MFHAS1: variants seen among roughly 807,000 people sequenced by gnomAD.
The protein encoded by MFHAS1 is malignant fibrous histiocytoma-amplified sequence 1.
Under a neutral mutation model 70.4 loss-of-function variants are expected in MFHAS1, and 50 were observed. The ratio of observed to expected loss-of-function variants is 0.71; its 90% CI spans 0.57 to 0.90. The LOEUF is 0.90. Among genes scored for constraint, MFHAS1 ranks in the 40% least tolerant of loss-of-function variants. The pLI, the probability that MFHAS1 is intolerant of heterozygous loss-of-function variation, is 0.00. For missense variants in MFHAS1, 1,795 were observed against 1,347.6 expected (o/e 1.33, Z -5.20); for synonymous variants, 952 against 620.0 (o/e 1.54, Z -7.96).
intron 1 of MFHAS1, among the ~76,000 whole-genome samples, chr8:8,889,709 A>G (rs1489228579): frequency 6.6e-6 from 1 of 152,232 alleles, no homozygotes; most frequent in Non-Finnish European, 1.5e-5. Context: ...ACGATCAGTA[A>G]GAGGCTAACA....
At chr8:8,826,637 G>A (rs1201417172) in intron 1 of MFHAS1, among the ~76,000 whole-genome samples, 1 of 152,198 alleles carries the variant, frequency 6.6e-6, no homozygotes, top group African/African-American at 2.4e-5. Context: ...GGAGGCTGAG[G>A]CAGGACAATC....
rs143510651 is a variant in MFHAS1, at chr8:8,891,139, G to C, written c.1920C>G (p.Asp640Glu). 1.1e-5 allele frequency: 18 copies of C among 1,613,666 alleles called. No individual in the cohort carries two copies. Among genetic ancestry groups the C allele is most frequent in the Non-Finnish European group, 1.4e-5 (17 of 1,180,046 alleles). Residue 640 changes from aspartate (D) to glutamate (E), a missense_variant, in exon 1 of 3, where the codon GAC (aspartate) becomes GAG (glutamate). Coordinates refer to ENST00000276282, the MANE Select transcript of MFHAS1 (RefSeq NM_004225.3). The surrounding 1 kb of genome is among the most constrained non-coding windows in gnomAD (Gnocchi z 5.4). ...GGTGCTCAGCAACTGACAGCAACTT[G>C]TCCCGAAGGCGTCGTAAGTGGCGCG... ...RDPRHLRRLR[D>E]KLLSVAEHRE...
At chr8:8,858,668 C>T (rs1359654959) in intron 1 of MFHAS1, among the ~76,000 whole-genome samples, 1 of 151,950 alleles carries the variant, frequency 6.6e-6, no homozygotes, top group African/African-American at 2.4e-5. Context: ...GTTCTAGGGC[C>T]CCCATCCCCA....
intron 1 of MFHAS1, among the ~76,000 whole-genome samples, chr8:8,862,123 G>A (rs1051266067): frequency 5.9e-5 from 9 of 152,190 alleles, no homozygotes; most frequent in African/African-American, 2.2e-4. Context: ...TTCCCCAAAT[G>A]CTGTATCATT....
At chr8:8,795,762 T>C (rs1167956590) in intron 2 of MFHAS1, among the ~76,000 whole-genome samples, 1 of 152,208 alleles carries the variant, frequency 6.6e-6, no homozygotes, top group East Asian at 1.9e-4. Context: ...TGGATGCCTG[T>C]CACACTGCCT....
intron 1 of MFHAS1, among the ~76,000 whole-genome samples, chr8:8,875,834 G>A (rs978552528): frequency 3.9e-5 from 6 of 152,240 alleles, no homozygotes; most frequent in South Asian, 4.1e-4. Context: ...TGATCCGCCC[G>A]CCTCGGCCTC....
chr8:8,850,885 T>C (rs1386248016), intron 1 of MFHAS1, among the ~76,000 whole-genome samples: 1 of 150,822 alleles, frequency 6.6e-6, no homozygotes, highest in Non-Finnish European at 1.5e-5. Context: ...CCAATTCATC[T>C]AACCCTTCAA....
At chr8:8,887,430 A>T (rs1809803086) in intron 1 of MFHAS1, among the ~76,000 whole-genome samples, 1 of 152,120 alleles carries the variant, frequency 6.6e-6, no homozygotes, top group South Asian at 2.1e-4. Flanking sequence ...CGAGAAATGT[A>T]CTATAATCAT....
At chr8:8,866,485 ATT>A (rs1720286822) in intron 1 of MFHAS1, among the ~76,000 whole-genome samples, 1 of 151,602 alleles carries the variant, frequency 6.6e-6, no homozygotes, top group Non-Finnish European at 1.5e-5. Context: ...CGCCCAGCTA[ATT>A]TTTTATTTTT....
chr8:8,861,187 T>C (rs962092460), intron 1 of MFHAS1, among the ~76,000 whole-genome samples: 6 of 152,172 alleles, frequency 3.9e-5, no homozygotes, highest in African/African-American at 9.7e-5. Flanking sequence ...AAATAAAACA[T>C]GTAATGTAAA....
intron 2 of MFHAS1, among the ~76,000 whole-genome samples, chr8:8,796,933 T>G (rs1402201233): frequency 6.6e-6 from 1 of 151,610 alleles, no homozygotes; most frequent in Non-Finnish European, 1.5e-5. Flanking sequence ...GAGGCGGAGC[T>G]TGCAGTGAGC....
At chr8:8,888,881 T>C (rs1157634580) in intron 1 of MFHAS1, among the ~76,000 whole-genome samples, 1 of 152,104 alleles carries the variant, frequency 6.6e-6, no homozygotes, top group African/African-American at 2.4e-5. Context: ...TGCAGGTTTA[T>C]CAACTGAAAC....
intron 2 of MFHAS1, among the ~76,000 whole-genome samples, chr8:8,791,848 C>T (rs1331213543): frequency 6.6e-6 from 1 of 152,180 alleles, no homozygotes; most frequent in Non-Finnish European, 1.5e-5. Flanking sequence ...TCCTCTCCAC[C>T]ATCCAGGAAA....
chr8:8,819,733 G>A (rs73184212), intron 1 of MFHAS1, among the ~76,000 whole-genome samples: 177 of 152,066 alleles, frequency 1.2e-3, no homozygotes, highest in Non-Finnish European at 2.2e-3. Context: ...TGTACCTTTT[G>A]AGTCACCCAG....
At chr8:8,832,438 C>CAG (rs1807435696) in intron 1 of MFHAS1, among the ~76,000 whole-genome samples, 1 of 151,064 alleles carries the variant, frequency 6.6e-6, no homozygotes, top group Non-Finnish European at 1.5e-5. Flanking sequence ...CACACACACA[C>CAG]ACACACACAC....
chr8:8,890,264 G>A lies in MFHAS1; in HGVS notation c.2795C>T (p.Ala932Val). The A allele has an allele frequency of 6.2e-7, 1 of 1,614,162 alleles. No homozygotes were observed. Among genetic ancestry groups the A allele is most frequent in the Non-Finnish European group, 8.5e-7 (1 of 1,180,010 alleles). ...GGTGTCTGGCTGCAGGACTCCCCTG[G>A]CAGGTCTGTAACTCACAACCACAGG... ...KVPVVVSYRP[A>V]RGVLQPDTLS... The change falls in exon 1 of 3, where the codon GCC (alanine) becomes GTC (valine). Residue 932 changes from alanine to valine, a missense_variant. Transcript: ENST00000276282.
At chr8:8,874,331 TACACACACACAC>T (rs35271686) in intron 1 of MFHAS1, among the ~76,000 whole-genome samples, 159 of 144,792 alleles carry the variant, frequency 1.1e-3, no homozygotes, top group Middle Eastern at 3.5e-3. Context: ...TATAACATTC[TACACACACACAC>T]ACACACACAC....
rs140314697 is a variant in MFHAS1, at chr8:8,858,818, CTCA to C, written c.2998+31240_2998+31242del. ...CTATGTTGTTCAAGGATCAACTACACTCATGATTCAGACCAAAATAGAAATAAA... is the reference window on the plus strand; with the variant it reads ...CTATGTTGTTCAAGGATCAACTACACTGATTCAGACCAAAATAGAAATAAA... On this transcript the variant is annotated intron_variant, in intron 1 of 2. Transcript: ENST00000276282. Among the ~76,000 whole-genome samples, 1,008 of 152,224 alleles carry C rather than the reference CTCA, an allele frequency of 6.6e-3. 12 individuals carry two copies. The highest frequency in any genetic ancestry group is 0.023 in the African/African-American group (965 of 41,514).
At chr8:8,878,742 G>A (rs962836863) in intron 1 of MFHAS1, among the ~76,000 whole-genome samples, 1 of 151,878 alleles carries the variant, frequency 6.6e-6, no homozygotes, top group Non-Finnish European at 1.5e-5. Flanking sequence ...TTGTTCTAGA[G>A]ACCTAAAATT....
Sources: gnomAD v4.1 joint callset for allele counts (sites outside exome capture counted in the v4.1 genomes callset) on GRCh38, gnomAD v4.1.1 for gene constraint, Gnocchi (gnomAD v3.1) non-coding constraint, MANE v1.5 for transcripts, NCBI Gene and HGNC (gene_info 2026-07-23, HGNC 2026-07-21) for gene names.